SLC8A1: variants seen among roughly 807,000 people sequenced by gnomAD.
SLC8A1 encodes solute carrier family 8 member A1, also known as sodium/calcium exchanger 1.
SLC8A1 carries 18 observed loss-of-function variants against 68.3 expected under a neutral mutation model. The observed-to-expected ratio is 0.26, with a 90% CI of 0.18 to 0.39. The LOEUF is 0.39. Ranked by LOEUF, SLC8A1 falls within the 10% of genes least tolerant of loss-of-function variation. The probability of loss-of-function intolerance (pLI) is 1.00; values close to 1 mark genes in which losing one functional copy is unlikely to be tolerated. For missense variants in SLC8A1, 985 were observed against 1,156.7 expected (o/e 0.85, Z 2.15); for synonymous variants, 475 against 415.5 (o/e 1.14, Z -1.74).
chr2:40,193,772 G>A (rs951629921), intron 2 of SLC8A1, among the ~76,000 whole-genome samples: 1 of 152,098 alleles, frequency 6.6e-6, no homozygotes, highest in Middle Eastern at 3.2e-3. Flanking sequence ...GGGCAGGGAA[G>A]CAGATGTGGA....
chr2:40,176,386 G>A (rs539602768), intron 3 of SLC8A1, among the ~76,000 whole-genome samples: 8 of 152,178 alleles, frequency 5.3e-5, no homozygotes, highest in Non-Finnish European at 8.8e-5. Flanking sequence ...TTGAGATAAA[G>A]TTCTTTGGAG....
Position 40,487,814 on chromosome 2 carries a change from T to G in SLC8A1, c.-25+24535A>C, listed in dbSNP as rs138982072. Among the ~76,000 whole-genome samples the G allele has an allele frequency of 4.8e-3, 728 of 152,274 alleles. 6 individuals carry two copies. The highest frequency in any genetic ancestry group is 0.017 in the African/African-American group (697 of 41,542). ...GAAAAGGCCAAGCTGGGTTGCATAC[T>G]TGAGAGAACTTAATGGTCAGTCATG... is the stretch of plus-strand genomic sequence containing the variant. On this transcript the variant is annotated intron_variant, in intron 1 of 7. Transcript: ENST00000402441.
intron 4 of SLC8A1, among the ~76,000 whole-genome samples, chr2:40,168,637 A>G (rs936357578): frequency 1.3e-5 from 2 of 152,202 alleles, no homozygotes; most frequent in Non-Finnish European, 2.9e-5. Flanking sequence ...AAATGGTTTA[A>G]CAGCATTTTT....
intron 2 of SLC8A1, among the ~76,000 whole-genome samples, chr2:40,312,986 T>C (rs1023887811): frequency 6.6e-6 from 1 of 152,074 alleles, no homozygotes; most frequent in African/African-American, 2.4e-5. Context: ...AAAATATATG[T>C]ATACATATGC....
chr2:40,129,974 G>T (rs558943645), intron 7 of SLC8A1, among the ~76,000 whole-genome samples: 1 of 152,190 alleles, frequency 6.6e-6, no homozygotes. Context: ...GAGCATCCCT[G>T]CTCCCTGGAC....
At chr2:40,229,403 G>T (rs1193173590) in intron 2 of SLC8A1, among the ~76,000 whole-genome samples, 4 of 150,700 alleles carry the variant, frequency 2.7e-5, no homozygotes, top group Non-Finnish European at 5.9e-5. Context: ...ATTAAACAGA[G>T]AAAACACTTA....
At chr2:40,329,429 G>C (rs1434267992) in intron 2 of SLC8A1, among the ~76,000 whole-genome samples, 1 of 152,076 alleles carries the variant, frequency 6.6e-6, no homozygotes, top group Non-Finnish European at 1.5e-5. Flanking sequence ...AATCTCTTTG[G>C]CCAAGGGCTG....
intron 7 of SLC8A1, among the ~76,000 whole-genome samples, chr2:40,130,109 C>G (rs10183046): frequency 0.25 from 38,402 of 152,072 alleles, 5,363 homozygotes; most frequent in East Asian, 0.62. Flanking sequence ...AACAAAAAAC[C>G]CTTAAAAGTA....
At chr2:40,110,017 T>C (rs2034462316) in exon 8 of SLC8A1, 1 of 152,178 alleles carries the variant, frequency 6.6e-6, no homozygotes, top group South Asian at 2.1e-4. Context: ...TCTTACAAAA[T>C]TGAATCAGAG....
At chr2:40,178,478 G>T in intron 2 of SLC8A1, 2 of 1,612,726 alleles carry the variant, frequency 1.2e-6, no homozygotes, top group South Asian at 2.2e-5. Flanking sequence ...CAATTACCTT[G>T]ACTGATATTG....
chr2:40,115,638 G>T lies in SLC8A1; in HGVS notation c.2438-9C>A. 1 of 1,600,204 alleles carries T rather than the reference G, an allele frequency of 6.2e-7. No homozygotes were observed. ...TTTGCTGGCAAATGTGTCTGCAGAG[G>T]AAGAAGAGAAAGTCAATGACACTCA... On this transcript the variant is annotated splice_polypyrimidine_tract_variant and intron_variant, in intron 7 of 7. Coordinates refer to ENST00000406785, the Ensembl canonical transcript of SLC8A1.
chr2:40,489,397 A>T (rs577195561), intron 1 of SLC8A1, among the ~76,000 whole-genome samples: 9 of 152,092 alleles, frequency 5.9e-5, no homozygotes, highest in African/African-American at 2.2e-4. Flanking sequence ...TATCAAAAAT[A>T]GACTCCACAC....
At chr2:40,204,333 T>C (rs1574017672) in intron 2 of SLC8A1, among the ~76,000 whole-genome samples, 1 of 152,072 alleles carries the variant, frequency 6.6e-6, no homozygotes, top group Non-Finnish European at 1.5e-5. Flanking sequence ...GCATTTTAAT[T>C]GTAGCATTTT....
chr2:40,445,865 T>TAC (rs1285471384), intron 1 of SLC8A1, among the ~76,000 whole-genome samples: 3 of 152,266 alleles, frequency 2.0e-5, no homozygotes, highest in Admixed American at 2.0e-4. Context: ...ATTTGATGGG[T>TAC]ACCTCTCCAA....
At chr2:40,328,827 T>C (rs2076114898) in intron 2 of SLC8A1, among the ~76,000 whole-genome samples, 1 of 152,010 alleles carries the variant, frequency 6.6e-6, no homozygotes, top group African/African-American at 2.4e-5. Context: ...TTGCAAGGGC[T>C]CCCCCATCTG....
intron 2 of SLC8A1, among the ~76,000 whole-genome samples, chr2:40,323,577 T>C (rs1405204837): frequency 6.6e-6 from 1 of 152,132 alleles, no homozygotes; most frequent in African/African-American, 2.4e-5. Flanking sequence ...CTGGCAAAAT[T>C]CAAGTACCAG....
At chr2:40,474,991 C>T (rs892813787) in intron 1 of SLC8A1, among the ~76,000 whole-genome samples, 1 of 151,926 alleles carries the variant, frequency 6.6e-6, no homozygotes, top group Non-Finnish European at 1.5e-5. Context: ...CTAAAGTGAT[C>T]GAGGTTACTA....
At chr2:40,249,825 T>C (rs1444654917) in intron 2 of SLC8A1, among the ~76,000 whole-genome samples, 1 of 152,198 alleles carries the variant, frequency 6.6e-6, no homozygotes, top group Non-Finnish European at 1.5e-5. Flanking sequence ...TAGATCTTAC[T>C]TAACACAGGA....
At chr2:40,495,363 G>T (rs1705624015) in intron 1 of SLC8A1, among the ~76,000 whole-genome samples, 1 of 152,016 alleles carries the variant, frequency 6.6e-6, no homozygotes, top group African/African-American at 2.4e-5. Flanking sequence ...GTTTTATGAG[G>T]AAAGTGTATA....
Sources: allele counts gnomAD v4.1 joint callset (sites outside exome capture counted in the v4.1 genomes callset), GRCh38; gene constraint gnomAD v4.1.1; transcripts MANE v1.5; gene names NCBI Gene and HGNC (gene_info 2026-07-23, HGNC 2026-07-21).